Variants in GPC6 observed in about 807,000 individuals in gnomAD.
GPC6 encodes the protein glypican-6.
Under a neutral mutation model 55.2 loss-of-function variants are expected in GPC6, and 14 were observed. The ratio of observed to expected loss-of-function variants is 0.25; its 90% CI spans 0.17 to 0.40. The LOEUF (loss-of-function observed/expected upper bound fraction) is 0.40, where lower values mean the gene tolerates loss of function less well. Ranked by LOEUF, GPC6 falls within the 10% of genes least tolerant of loss-of-function variation. The pLI, the probability that GPC6 is intolerant of heterozygous loss-of-function variation, is 1.00. For missense variants in GPC6, 641 were observed against 708.5 expected (o/e 0.90, Z 1.08); for synonymous variants, 278 against 259.6 (o/e 1.07, Z -0.68).
chr13:93,248,314 A>T (rs1203107762), intron 1 of GPC6, among the ~76,000 whole-genome samples: 1 of 152,144 alleles, frequency 6.6e-6, no homozygotes, highest in Non-Finnish European at 1.5e-5. Context: ...CCATGATTTT[A>T]AAAAGCACAG....
intron 3 of GPC6, among the ~76,000 whole-genome samples, chr13:93,954,373 G>C (rs1410129811): frequency 6.6e-6 from 1 of 151,998 alleles, no homozygotes; most frequent in African/African-American, 2.4e-5. Context: ...GGAGTGTAGT[G>C]GCACAATCTT....
At chr13:94,176,938 CA>C (rs777546263) in intron 4 of GPC6, among the ~76,000 whole-genome samples, 1 of 152,152 alleles carries the variant, frequency 6.6e-6, no homozygotes, top group Non-Finnish European at 1.5e-5. Context: ...TGATGTTATG[CA>C]TCCATAAGTA....
At chr13:93,520,985 C>G (rs1881398154) in intron 1 of GPC6, among the ~76,000 whole-genome samples, 1 of 151,828 alleles carries the variant, frequency 6.6e-6, no homozygotes, top group Non-Finnish European at 1.5e-5. Context: ...TCTACATTAT[C>G]TTTTACATTT....
chr13:94,124,971 CA>C (rs1237569823), intron 4 of GPC6, among the ~76,000 whole-genome samples: 1 of 151,998 alleles, frequency 6.6e-6, no homozygotes, highest in Non-Finnish European at 1.5e-5. Context: ...AGCAAGCAAA[CA>C]AATAAACAGA....
At chr13:94,283,204 T>G (rs935064334) in intron 4 of GPC6, among the ~76,000 whole-genome samples, 4 of 152,222 alleles carry the variant, frequency 2.6e-5, no homozygotes, top group Non-Finnish European at 4.4e-5. Flanking sequence ...GGTGGTGACT[T>G]ATAAAAGCTA....
chr13:94,355,520 G>A (rs976676201), intron 6 of GPC6, among the ~76,000 whole-genome samples: 1 of 152,218 alleles, frequency 6.6e-6, no homozygotes, highest in African/African-American at 2.4e-5. Flanking sequence ...CCATGAGGGA[G>A]TCATGTTTCA....
intron 4 of GPC6, among the ~76,000 whole-genome samples, chr13:94,279,707 G>C (rs1180388621): frequency 6.6e-6 from 1 of 152,130 alleles, no homozygotes; most frequent in African/African-American, 2.4e-5. Flanking sequence ...TTACCCAGGA[G>C]TCACTCAGGA....
At chr13:94,247,560 G>A (rs1891233577) in intron 4 of GPC6, among the ~76,000 whole-genome samples, 2 of 151,684 alleles carry the variant, frequency 1.3e-5, no homozygotes, top group Non-Finnish European at 2.9e-5. Flanking sequence ...TATCAAAAAA[G>A]TATGTTGAAC....
chr13:93,276,860 G>C (rs1253328594), intron 1 of GPC6, among the ~76,000 whole-genome samples: 1 of 152,122 alleles, frequency 6.6e-6, no homozygotes, highest in African/African-American at 2.4e-5. Context: ...TTTCTTTCCA[G>C]CTTACTTCTT....
intron 6 of GPC6, among the ~76,000 whole-genome samples, chr13:94,368,283 G>A (rs1311887444): frequency 6.6e-6 from 1 of 151,988 alleles, no homozygotes; most frequent in Non-Finnish European, 1.5e-5. Context: ...GTTGAATAGT[G>A]TCTTGAGGGC....
At chr13:94,137,625 G>A (rs777320193) in intron 4 of GPC6, among the ~76,000 whole-genome samples, 2 of 152,046 alleles carry the variant, frequency 1.3e-5, no homozygotes, top group East Asian at 3.9e-4. Flanking sequence ...ATACTGTGAT[G>A]GTTGCTATAT....
intron 4 of GPC6, among the ~76,000 whole-genome samples, chr13:94,050,229 A>G (rs1477077421): frequency 4.6e-5 from 7 of 152,122 alleles, no homozygotes; most frequent in Non-Finnish European, 1.0e-4. Flanking sequence ...CTGGAACGTA[A>G]TAGATGCTGT....
intron 1 of GPC6, among the ~76,000 whole-genome samples, chr13:93,360,749 T>C (rs1405801318): frequency 2.0e-5 from 3 of 152,208 alleles, no homozygotes; most frequent in Non-Finnish European, 2.9e-5. Flanking sequence ...AAAGTCGCTT[T>C]TGGTTTCCAA....
intron 2 of GPC6, among the ~76,000 whole-genome samples, chr13:93,710,319 G>A (rs996887617): frequency 6.6e-6 from 1 of 151,788 alleles, no homozygotes; most frequent in Non-Finnish European, 1.5e-5. Context: ...CATTTAAAAG[G>A]TAGCACCTCA....
chr13:94,277,743 A>ATG (rs1892256795), intron 4 of GPC6, among the ~76,000 whole-genome samples: 1 of 151,946 alleles, frequency 6.6e-6, no homozygotes, highest in Non-Finnish European at 1.5e-5. Flanking sequence ...ATGGTTGTAG[A>ATG]TGTGTGGTGT....
intron 3 of GPC6, among the ~76,000 whole-genome samples, chr13:93,837,101 A>G (rs1172312263): frequency 6.6e-6 from 1 of 152,210 alleles, no homozygotes; most frequent in African/African-American, 2.4e-5. Flanking sequence ...AAGAGAGTAT[A>G]AACCAAGGAA....
intron 1 of GPC6, among the ~76,000 whole-genome samples, chr13:93,506,916 C>T (rs2139378816): frequency 6.7e-6 from 1 of 149,100 alleles, no homozygotes; most frequent in East Asian, 2.0e-4. Context: ...AAAAAATTAG[C>T]CGGGCGTGGC....
At chr13:93,406,603 T>A (rs1191142818) in intron 1 of GPC6, among the ~76,000 whole-genome samples, 1 of 152,220 alleles carries the variant, frequency 6.6e-6, no homozygotes, top group Non-Finnish European at 1.5e-5. Context: ...AACCACTGAA[T>A]AACAAACTCA....
intron 2 of GPC6, among the ~76,000 whole-genome samples, chr13:93,771,803 A>G (rs1885307863): frequency 6.6e-6 from 1 of 152,184 alleles, no homozygotes; most frequent in African/African-American, 2.4e-5. Flanking sequence ...CCATCATAAT[A>G]TTTAAATGAC....
Sources: gnomAD v4.1 joint callset for allele counts (sites outside exome capture counted in the v4.1 genomes callset) on GRCh38, gnomAD v4.1.1 for gene constraint, MANE v1.5 for transcripts, NCBI Gene and HGNC (gene_info 2026-07-23, HGNC 2026-07-21) for gene names.